Variants in COL4A6 observed in about 807,000 individuals in gnomAD.
COL4A6 encodes collagen type IV alpha 6 chain.
In COL4A6, 59 loss-of-function variants were observed where a neutral mutation model predicts 126.7. That is an observed-to-expected ratio of 0.47 (90% CI 0.38 to 0.58). COL4A6 has a LOEUF of 0.58. COL4A6 is among the 20% of genes least tolerant of loss of function. The pLI is 0.00. For missense variants in COL4A6, 1,285 were observed against 1,337.3 expected, an observed-to-expected ratio of 0.96 and a Z score of 0.61; for synonymous variants, 547 against 496.6, an observed-to-expected ratio of 1.10 and a Z score of -1.35.
intron 25 of COL4A6, 103 bp from the exon 26 acceptor site, chrX:108,179,541 T>C (rs1249644332): frequency 1.6e-6 from 1 of 613,726 alleles, no homozygotes; most frequent in East Asian, 3.6e-5. Flanking sequence ...AGCTAACATA[T>C]TAATAATATA....
intron 2 of COL4A6, among the ~76,000 whole-genome samples, chrX:108,354,023 T>C (rs1174845236): frequency 1.8e-5 from 2 of 111,236 alleles, no homozygotes; most frequent in Non-Finnish European, 3.8e-5. Flanking sequence ...CATGGTGGCA[T>C]GTGCCTGTAA....
upstream of COL4A6, among the ~76,000 whole-genome samples, chrX:108,438,980 T>TA (rs745615153): frequency 4.9e-3 from 555 of 112,508 alleles, 1 homozygote; most frequent in Non-Finnish European, 7.2e-3. Context: ...TTTGTTACTT[T>TA]AAAAAAAATC....
chrX:108,393,515 T>A (rs186731992), intron 2 of COL4A6, among the ~76,000 whole-genome samples: 15 of 111,968 alleles, frequency 1.3e-4, no homozygotes, highest in East Asian at 5.6e-4. Context: ...CCCACAGCTA[T>A]GGGATTTCTT....
chrX:108,331,498 A>G (rs2039299572), intron 2 of COL4A6, among the ~76,000 whole-genome samples: 1 of 112,331 alleles, frequency 8.9e-6, no homozygotes, highest in African/African-American at 3.2e-5. Context: ...GTTTAAATAT[A>G]TCTGAACATT....
chrX:108,238,729 G>A (rs2036498220), intron 3 of COL4A6, among the ~76,000 whole-genome samples: 1 of 109,706 alleles, frequency 9.1e-6, no homozygotes, highest in Non-Finnish European at 1.9e-5. Flanking sequence ...CAGCACTGAG[G>A]TTTCTGGGTA....
At chrX:108,244,174 A>T (rs112987347) in intron 3 of COL4A6, among the ~76,000 whole-genome samples, 134 of 106,173 alleles carry the variant, frequency 1.3e-3, no homozygotes, top group African/African-American at 4.2e-3. Context: ...CTCTTCTCTG[A>T]TCACACCAAG....
chrX:108,402,811 T>A (rs907325965), intron 2 of COL4A6, among the ~76,000 whole-genome samples: 1 of 111,218 alleles, frequency 9.0e-6, no homozygotes, highest in African/African-American at 3.3e-5. Flanking sequence ...GTTCTAGACG[T>A]ATGGATTTCT....
At chrX:108,241,750 CT>C (rs1467525692) in intron 3 of COL4A6, among the ~76,000 whole-genome samples, 1 of 107,777 alleles carries the variant, frequency 9.3e-6, no homozygotes, top group Non-Finnish European at 1.9e-5. Context: ...TCCTTTCTAC[CT>C]CCTTTCCAAA....
At chrX:108,256,863 T>C (rs1289580174) in intron 3 of COL4A6, among the ~76,000 whole-genome samples, 1 of 111,117 alleles carries the variant, frequency 9.0e-6, no homozygotes, top group Non-Finnish European at 1.9e-5. Flanking sequence ...GCAGCAAGTG[T>C]GGAATGAGAG....
At chrX:108,387,715 C>G (rs1245323133) in intron 2 of COL4A6, among the ~76,000 whole-genome samples, 1 of 111,791 alleles carries the variant, frequency 8.9e-6, no homozygotes, top group Non-Finnish European at 1.9e-5. Context: ...ATTTCTTTCT[C>G]TTGCCTGATT....
intron 3 of COL4A6, among the ~76,000 whole-genome samples, chrX:108,282,489 A>C (rs1435920609): frequency 9.0e-6 from 1 of 111,299 alleles, no homozygotes; most frequent in Non-Finnish European, 1.9e-5. Context: ...TTAAAAAGTC[A>C]GGAAACAACA....
chrX:108,248,369 AC>A (rs1353628491), intron 3 of COL4A6, among the ~76,000 whole-genome samples: 1 of 110,826 alleles, frequency 9.0e-6, no homozygotes, highest in Non-Finnish European at 1.9e-5. Context: ...TATTTTTTCT[AC>A]CCTTACTCTT....
Position 108,161,664 on chromosome X carries a change from C to T in COL4A6, c.4288G>A (p.Gly1430Ser). Reference sequence around the variant, plus strand: ...TGCAGTCCAGGCAGACCAGGATCACCAAGAGCCCCAGGTGGGCCTGGGAGC... The same window carrying T: ...TGCAGTCCAGGCAGACCAGGATCACTAAGAGCCCCAGGTGGGCCTGGGAGC... Reference protein sequence around the residue: ...SGLPGPPGALGDPGLPGLQGP... With the variant: ...SGLPGPPGALSDPGLPGLQGP... Residue 1430 changes from glycine (G) to serine (S), a missense_variant, in exon 42 of 45, where the codon GGT (glycine) becomes AGT (serine). Transcript: ENST00000334504. 8.4e-7 allele frequency: 1 copy of T among 1,197,393 alleles called. No individual in the cohort carries two copies. The highest frequency in any genetic ancestry group is 1.1e-6 in the Non-Finnish European group (1 of 890,141).
intron 3 of COL4A6, among the ~76,000 whole-genome samples, chrX:108,300,348 G>GTCTC (rs763735393): frequency 9.1e-5 from 9 of 99,399 alleles, no homozygotes; most frequent in African/African-American, 3.4e-4. Flanking sequence ...ACTAGTTTGG[G>GTCTC]TCTCTCTCTC....
intron 2 of COL4A6, among the ~76,000 whole-genome samples, chrX:108,413,049 G>A (rs1002136394): frequency 6.2e-5 from 7 of 112,078 alleles, no homozygotes; most frequent in Non-Finnish European, 9.4e-5. Context: ...GAATTTGGAA[G>A]AGTAGGTTAT....
intron 37 of COL4A6, among the ~76,000 whole-genome samples, chrX:108,168,316 G>C (rs934035999): frequency 1.3e-4 from 15 of 112,115 alleles, no homozygotes; most frequent in Admixed American, 3.8e-4. Flanking sequence ...CCCTTCCTCT[G>C]GAGAAGCTGC....
At chrX:108,217,057 G>A (rs1329224214) in intron 5 of COL4A6, among the ~76,000 whole-genome samples, 1 of 112,257 alleles carries the variant, frequency 8.9e-6, no homozygotes. Context: ...AGTCTATGTT[G>A]TTCTAATGTT....
chrX:108,168,762 C>T (rs2034207501), intron 37 of COL4A6, among the ~76,000 whole-genome samples: 1 of 111,793 alleles, frequency 8.9e-6, no homozygotes, highest in African/African-American at 3.3e-5. Context: ...AGAGGTATAG[C>T]TTGAATTTGA....
At position 108,179,403 on chromosome X, in the gene COL4A6, C is replaced by T; in HGVS notation, c.2167G>A (p.Gly723Arg). The T allele has an allele frequency of 8.3e-7, 1 of 1,209,005 alleles. No homozygotes were observed. The highest frequency in any genetic ancestry group is 1.1e-6 in the Non-Finnish European group (1 of 893,838). Residue 723 changes from glycine to arginine, a missense_variant, in exon 26 of 45, where the codon GGG (glycine) becomes AGG (arginine). Transcript: ENST00000334504. The part of the protein sequence containing the change: ...PGPRGEKGLP[G>R]FPGLPGKDGL... ...TCTTTTCCAGGGAGCCCAGGAAACC[C>T]AGGCAAGCCCTTCTCCCCACGAGGT...
Sources: gnomAD v4.1 joint callset for allele counts (sites outside exome capture counted in the v4.1 genomes callset) on GRCh38, gnomAD v4.1.1 for gene constraint, MANE v1.5 for transcripts, NCBI Gene and HGNC (gene_info 2026-07-23, HGNC 2026-07-21) for gene names.